Variants in ZNF652 observed in about 807,000 individuals in gnomAD.
The protein encoded by ZNF652 is zinc finger protein 652.
ZNF652 carries 16 observed loss-of-function variants against 45.2 expected under a neutral mutation model. That is an observed-to-expected ratio of 0.35 (90% confidence interval 0.24 to 0.54). The LOEUF is 0.54. Among genes scored for constraint, ZNF652 ranks in the 20% least tolerant of loss-of-function variants. ZNF652 has a pLI of 0.91. For synonymous variants in ZNF652, 250 were observed against 260.6 expected (o/e 0.96, Z 0.39); for missense variants, 614 against 765.6 (o/e 0.80, Z 2.34).
chr17:49,317,728 G>T lies in ZNF652; in HGVS notation c.-3C>A. 3.2e-6 allele frequency: 5 copies of T among 1,570,928 alleles called. No homozygotes were observed. Among genetic ancestry groups the T allele is most frequent in the East Asian group, 2.3e-5 (1 of 44,176 alleles). On this transcript the variant is annotated 5_prime_UTR_variant, in exon 2 of 6. The change creates a premature stop within an existing upstream ORF in the 5' untranslated region. Coordinates refer to ENST00000430262, the MANE Select transcript of ZNF652 (RefSeq NM_001145365.3). ...CAAGAACTGGCTGTGTGGCTCATTG[G>T]TAAGTGGCCCAATTTATTAAACAGT...
intron 1 of ZNF652, among the ~76,000 whole-genome samples, chr17:49,331,031 T>C (rs2070017506): frequency 6.7e-6 from 1 of 150,210 alleles, no homozygotes; most frequent in South Asian, 2.1e-4. Context: ...TGAGCCAAGA[T>C]TGCATCCAGC....
rs1567922675 is a variant in ZNF652, at chr17:49,317,253, C to CT, written c.472dup (p.Ser158LysfsTer2). 1 of 1,612,722 alleles carries CT rather than the reference C, an allele frequency of 6.2e-7. No individual in the cohort carries two copies. The highest frequency in any genetic ancestry group is 8.5e-7 in the Non-Finnish European group (1 of 1,179,898). ...GCTGTCATCTGTGGCCTCTTCCTCA[C>CT]TCTCTTCCTCTTCCTCCTCACTGCT... On this transcript the variant is annotated frameshift_variant, in exon 2 of 6. Transcript: ENST00000430262. LOFTEE classifies it high-confidence loss of function.
At chr17:49,344,922 C>A (rs2070188471) in intron 1 of ZNF652, among the ~76,000 whole-genome samples, 1 of 152,198 alleles carries the variant, frequency 6.6e-6, no homozygotes, top group South Asian at 2.1e-4. Flanking sequence ...TTCAAGTTAG[C>A]ATTCCCTCCT....
chr17:49,293,300 A>AC lies in ZNF652; in HGVS notation c.*5112_*5113insG, dbSNP rs2069427563. 6.6e-6 allele frequency among the ~76,000 whole-genome samples: 1 copy of AC among 152,254 alleles called. No individual in the cohort carries two copies. Among genetic ancestry groups the AC allele is most frequent in the South Asian group, 2.1e-4 (1 of 4,836 alleles). On this transcript the variant is annotated 3_prime_UTR_variant, in exon 6 of 6. Transcript: ENST00000430262. ...TAAATGGTATGTGATCTGGTTCTTT[A>AC]AACAAATTTACTGAAGCAAAAGCTT...
chr17:49,336,116 C>G (rs1276676357), intron 1 of ZNF652, among the ~76,000 whole-genome samples: 1 of 152,060 alleles, frequency 6.6e-6, no homozygotes, highest in Non-Finnish European at 1.5e-5. Context: ...CCTCCGCCTC[C>G]TGGGTTCAAG....
chr17:49,317,771 A>G lies in ZNF652; in HGVS notation c.-46T>C, dbSNP rs2069831644. 6.7e-7 allele frequency: 1 copy of G among 1,488,504 alleles called. No homozygotes were observed. The highest frequency in any genetic ancestry group is 9.0e-7 in the Non-Finnish European group (1 of 1,116,518). 92.2% of individuals were successfully genotyped at this position (1,488,504 alleles called of 1,614,324 possible). ...TAAACAGTTCAGACTATAAAGAAAT[A>G]GCTTTAAAACAAGGTAATTATTAAG... is the stretch of plus-strand genomic sequence containing the variant. On this transcript the variant is annotated 5_prime_UTR_variant, in exon 2 of 6. Coordinates refer to ENST00000430262, the MANE Select transcript of ZNF652 (RefSeq NM_001145365.3).
intron 1 of ZNF652, among the ~76,000 whole-genome samples, chr17:49,329,773 T>G (rs1223635011): frequency 6.6e-6 from 1 of 152,228 alleles, no homozygotes; most frequent in Non-Finnish European, 1.5e-5. Context: ...AATATGCAAG[T>G]GCAACTAGTA....
Position 49,317,151 on chromosome 17 carries a change from G to C in ZNF652, c.575C>G (p.Thr192Ser). ...TGCGGCAACAGAGGCAGCTCTCCTG[G>C]TTCTCCTTTGTGTAACGCTGACTTT... The part of the protein sequence containing the change: ...VEKVSVTQRR[T>S]RRAASVAAAT... Residue 192 changes from threonine (T) to serine (S), a missense_variant, in exon 2 of 6, where the codon ACC (threonine) becomes AGC (serine). Thr to Ser is a moderately conservative substitution (Grantham distance 58). Transcript: ENST00000430262. 1 of 1,613,924 alleles carries C rather than the reference G, an allele frequency of 6.2e-7. No individual in the cohort carries two copies. Among genetic ancestry groups the C allele is most frequent in the Non-Finnish European group, 8.5e-7 (1 of 1,180,010 alleles).
intron 5 of ZNF652, among the ~76,000 whole-genome samples, chr17:49,302,271 G>A (rs1016254885): frequency 1.4e-5 from 2 of 147,724 alleles, no homozygotes; most frequent in African/African-American, 2.5e-5. Flanking sequence ...CAACAACAAC[G>A]TTATAAAGTA....
At chr17:49,315,184 G>A (rs1313115188) in intron 2 of ZNF652, among the ~76,000 whole-genome samples, 1 of 151,800 alleles carries the variant, frequency 6.6e-6, no homozygotes, top group Admixed American at 6.6e-5. Flanking sequence ...TGGGATTACA[G>A]GCATGTGCCA....
At chr17:49,338,332 T>G (rs192891413) in intron 1 of ZNF652, among the ~76,000 whole-genome samples, 3 of 152,158 alleles carry the variant, frequency 2.0e-5, no homozygotes, top group African/African-American at 7.2e-5. Context: ...CAACACCTTC[T>G]GCTAGATGTC....
rs1000089625 is a variant in ZNF652 at position 49,294,149 on chromosome 17, T to C, written c.*4264A>G. On this transcript the variant is annotated 3_prime_UTR_variant, in exon 6 of 6. Transcript: ENST00000430262. ...AACATACATATCTATTCAACAATCATAAAAACTGAAAAAAATTTCAAGAAT... is the reference window on the plus strand; with the variant it reads ...AACATACATATCTATTCAACAATCACAAAAACTGAAAAAAATTTCAAGAAT... Among the ~76,000 whole-genome samples the C allele has an allele frequency of 6.6e-6, 1 of 152,064 alleles. No homozygotes were observed. The highest frequency in any genetic ancestry group is 2.4e-5 in the African/African-American group (1 of 41,408).
At position 49,352,254 on chromosome 17, in the gene ZNF652, T is replaced by TC. The variant is rs1243321497; in HGVS notation, c.-259+9654dup. Among the ~76,000 whole-genome samples, 3 of 152,202 alleles carry TC rather than the reference T, an allele frequency of 2.0e-5. No homozygotes were observed. The East Asian group carries it at 5.8e-4, about 29-fold the overall frequency. On this transcript the variant is annotated intron_variant, in intron 1 of 5. Transcript: ENST00000430262. ...GATCAGTCAATATATTTTTTTTTTT[T>TC]CACAAGCAAACAAATCTCTCGTCTT...
Position 49,294,503 on chromosome 17 carries a change from ATTG to A in ZNF652, c.*3907_*3909del, listed in dbSNP as rs1353115348. On this transcript the variant is annotated 3_prime_UTR_variant, in exon 6 of 6. Coordinates refer to ENST00000430262, the MANE Select transcript of ZNF652 (RefSeq NM_001145365.3). ...TGGAAATGAAGCCACATGCCTTTAA[ATTG>A]TTGTCTTTTCTTCATTCAAATTTAA... 3.3e-5 allele frequency: 5 copies of A among 152,196 alleles called. No individual in the cohort carries two copies. The highest frequency in any genetic ancestry group is 4.8e-5 in the African/African-American group (2 of 41,452). The allele number at this position is 152,196 out of a possible 1,614,324, so 9.4% of individuals were successfully genotyped here. A position where few individuals can be genotyped will look rare whatever the true frequency, so the allele number is the denominator to read the frequency against.
At chr17:49,351,017 ACACAC>A in intron 1 of ZNF652, among the ~76,000 whole-genome samples, 1 of 19,868 alleles carries the variant, frequency 5.0e-5, no homozygotes, top group Non-Finnish European at 9.0e-5. Flanking sequence ...ATATATATAC[ACACAC>A]ACACACACAC....
In ZNF652 at chr17:49,317,759, C is replaced by A; in HGVS notation, c.-34G>T. The A allele has an allele frequency of 1.3e-6, 2 of 1,509,664 alleles. No homozygotes were observed. Among genetic ancestry groups the A allele is most frequent in the Non-Finnish European group, 1.8e-6 (2 of 1,128,498 alleles). The allele number at this position is 1,509,664 out of a possible 1,614,324, so 93.5% of individuals were successfully genotyped here. On this transcript the variant is annotated 5_prime_UTR_variant, in exon 2 of 6. Transcript: ENST00000430262. ...GGCCCAATTTATTAAACAGTTCAGACTATAAAGAAATAGCTTTAAAACAAG... is the reference window on the plus strand; with the variant it reads ...GGCCCAATTTATTAAACAGTTCAGAATATAAAGAAATAGCTTTAAAACAAG...
chr17:49,332,575 T>C (rs981358395), intron 1 of ZNF652, among the ~76,000 whole-genome samples: 2 of 152,170 alleles, frequency 1.3e-5, no homozygotes, highest in Non-Finnish European at 2.9e-5. Flanking sequence ...CATCCAAGGA[T>C]TCTCTAGGGG....
intron 5 of ZNF652, among the ~76,000 whole-genome samples, chr17:49,310,935 G>GT (rs2069702429): frequency 6.6e-6 from 1 of 151,838 alleles, no homozygotes; most frequent in African/African-American, 2.4e-5. Context: ...AGAGAGAGAG[G>GT]GGTATTCTAT....
At chr17:49,319,360 C>T (rs1598297688) in intron 1 of ZNF652, among the ~76,000 whole-genome samples, 2 of 151,492 alleles carry the variant, frequency 1.3e-5, no homozygotes, top group East Asian at 1.9e-4. Flanking sequence ...TCGGGCCAGG[C>T]GCAGTGGCTC....
Sources: allele counts gnomAD v4.1 joint callset (sites outside exome capture counted in the v4.1 genomes callset), GRCh38; gene constraint gnomAD v4.1.1; transcripts MANE v1.5; gene names NCBI Gene and HGNC (gene_info 2026-07-23, HGNC 2026-07-21).